HMCN1: variants seen among roughly 807,000 people sequenced by gnomAD.
HMCN1 encodes the protein hemicentin 1, also known as hemicentin-1.
In HMCN1, 321 loss-of-function variants were observed where a neutral mutation model predicts 625.9. The observed-to-expected ratio is 0.51, with a 90% CI of 0.47 to 0.56. The LOEUF is 0.56. Ranked by LOEUF, HMCN1 falls within the 20% of genes least tolerant of loss-of-function variation. The pLI, the probability that HMCN1 is intolerant of heterozygous loss-of-function variation, is 0.00. For missense variants in HMCN1, 6,588 were observed against 6,887.3 expected, an observed-to-expected ratio of 0.96 and a Z score of 1.54; for synonymous variants, 2,425 against 2,417.6, an observed-to-expected ratio of 1.00 and a Z score of -0.09.
intron 80 of HMCN1, among the ~76,000 whole-genome samples, chr1:186,121,948 G>A (rs772484230): frequency 3.9e-5 from 6 of 152,062 alleles, no homozygotes; most frequent in Non-Finnish European, 7.4e-5. Flanking sequence ...GAGAGTGAAC[G>A]GCTTTGTTAA....
At chr1:185,960,559 C>T (rs1649941255) in intron 11 of HMCN1, among the ~76,000 whole-genome samples, 2 of 152,142 alleles carry the variant, frequency 1.3e-5, no homozygotes, top group South Asian at 2.1e-4. Flanking sequence ...TGTATTTGCT[C>T]AATGACCTCT....
At chr1:186,042,144 G>A (rs995337509) in intron 40 of HMCN1, among the ~76,000 whole-genome samples, 1 of 152,128 alleles carries the variant, frequency 6.6e-6, no homozygotes, top group Non-Finnish European at 1.5e-5. Flanking sequence ...GGTTCTCTAT[G>A]TTCCCTTTCT....
intron 19 of HMCN1, 100 bp downstream of exon 19, chr1:185,984,413 A>T: frequency 9.3e-7 from 1 of 1,073,710 alleles, no homozygotes; most frequent in Non-Finnish European, 1.4e-6. Flanking sequence ...ACAATTAGAT[A>T]TCTCTCTTAA....
Position 186,189,895 on chromosome 1 carries a change from T to G in HMCN1, c.*17T>G, listed in dbSNP as rs1356893211. ...CCATACTAAGGAACTCTCCAAAGCC[T>G]ATTCCACATATTTAAACCGCATTAA... On this transcript the variant is annotated 3_prime_UTR_variant, in exon 107 of 107. Coordinates refer to ENST00000271588, the MANE Select transcript of HMCN1 (RefSeq NM_031935.3). The G allele has an allele frequency of 1.2e-6, 2 of 1,612,274 alleles. No homozygotes were observed. Among genetic ancestry groups the G allele is most frequent in the Admixed American group, 3.3e-5 (2 of 59,988 alleles).
At chr1:185,994,348 A>G (rs1328353929) in intron 23 of HMCN1, among the ~76,000 whole-genome samples, 2 of 152,198 alleles carry the variant, frequency 1.3e-5, no homozygotes, top group Non-Finnish European at 2.9e-5. Context: ...AAAAGATTTC[A>G]TGAGAAACTT....
At chr1:185,896,258 A>C (rs1558049008) in intron 4 of HMCN1, among the ~76,000 whole-genome samples, 1 of 152,100 alleles carries the variant, frequency 6.6e-6, no homozygotes, top group Non-Finnish European at 1.5e-5. Flanking sequence ...TAATTCCAAA[A>C]TATGTTTTAG....
At position 185,990,454 on chromosome 1, in the gene HMCN1, T is replaced by TG. The variant is rs150613512; in HGVS notation, c.3377+14dup. 554 of 1,612,754 alleles carry TG rather than the reference T, an allele frequency of 3.4e-4. 3 individuals carry two copies. In the African/African-American group the frequency reaches 6.5e-3, roughly 19 times the overall value. On this transcript the variant is annotated intron_variant, in intron 22 of 106. Coordinates refer to ENST00000271588, the MANE Select transcript of HMCN1 (RefSeq NM_031935.3). ...ACCGTTCTCTCCAAGGTAGGAGATC[T>TG]GGGATGAATTGCAACACATGAAAAC...
intron 53 of HMCN1, among the ~76,000 whole-genome samples, chr1:186,075,941 T>A (rs1274453071): frequency 1.3e-5 from 2 of 152,186 alleles, no homozygotes; most frequent in Admixed American, 1.3e-4. Flanking sequence ...TTTCATAAAG[T>A]TCATACTTGT....
In HMCN1 at chr1:186,093,605, A is replaced by C. The variant is rs1430069636; in HGVS notation, c.10132A>C (p.Lys3378Gln). Residue 3378 changes from lysine to glutamine, a missense_variant, in exon 66 of 107, where the codon AAG (lysine) becomes CAG (glutamine). Around this residue, in one of 3 missense-constraint regions of HMCN1, gnomAD observed 4,628 missense variants for 4,853.1 expected, o/e 0.95. Coordinates refer to ENST00000271588, the MANE Select transcript of HMCN1 (RefSeq NM_031935.3). Reference protein sequence around the residue: ...GTPPPQINWLKNGLPLPLSSH... With the variant: ...GTPPPQINWLQNGLPLPLSSH... The stretch of plus-strand genomic sequence containing the variant: ...GCCTCCACCACAGATAAACTGGCTG[A>C]AGAATGGACTTCCTCTGCCTCTCTC... 6.2e-7 allele frequency: 1 copy of C among 1,613,470 alleles called. No individual in the cohort carries two copies. Among genetic ancestry groups the C allele is most frequent in the South Asian group, 1.1e-5 (1 of 91,082 alleles).
intron 40 of HMCN1, among the ~76,000 whole-genome samples, chr1:186,044,494 C>G (rs991900520): frequency 6.6e-6 from 1 of 152,132 alleles, no homozygotes; most frequent in Non-Finnish European, 1.5e-5. Flanking sequence ...AGGCACAATA[C>G]TACTACTGTA....
At chr1:185,760,476 G>C (rs1246355683) in intron 1 of HMCN1, among the ~76,000 whole-genome samples, 1 of 152,092 alleles carries the variant, frequency 6.6e-6, no homozygotes, top group East Asian at 1.9e-4. Flanking sequence ...ATAGACCGAT[G>C]GTGTGGAGGC....
intron 36 of HMCN1, among the ~76,000 whole-genome samples, chr1:186,035,876 C>T (rs909765694): frequency 6.6e-6 from 1 of 152,072 alleles, no homozygotes; most frequent in South Asian, 2.1e-4. Context: ...CATACACAAT[C>T]TGCATGGGTA....
intron 87 of HMCN1, 34 bp downstream of exon 87, chr1:186,136,971 A>G (rs781663292): frequency 2.5e-6 from 4 of 1,608,458 alleles, no homozygotes; most frequent in Non-Finnish European, 2.5e-6. Context: ...CATAGTAAAC[A>G]GTACCTGGGG....
chr1:185,897,487 A>T (rs1176950073), intron 4 of HMCN1, among the ~76,000 whole-genome samples: 1 of 152,060 alleles, frequency 6.6e-6, no homozygotes, highest in Admixed American at 6.5e-5. Context: ...ATCACTTACC[A>T]CTGTACACAC....
At chr1:186,105,798 T>TG (rs1396175096) in intron 69 of HMCN1, among the ~76,000 whole-genome samples, 1 of 152,196 alleles carries the variant, frequency 6.6e-6, no homozygotes, top group Non-Finnish European at 1.5e-5. Context: ...TCCTGAATGA[T>TG]GGTTCAAGTT....
At chr1:185,808,551 T>G (rs1009335409) in intron 1 of HMCN1, among the ~76,000 whole-genome samples, 1 of 152,088 alleles carries the variant, frequency 6.6e-6, no homozygotes, top group Non-Finnish European at 1.5e-5. Context: ...CAAATTATCT[T>G]TAATTTGTTT....
At chr1:185,982,417 A>C in intron 18 of HMCN1, 28 bp downstream of exon 18, 1 of 1,596,768 alleles carries the variant, frequency 6.3e-7, no homozygotes, top group Non-Finnish European at 8.6e-7. Flanking sequence ...GCATGCATTC[A>C]CATTCTTTTG....
Position 186,039,761 on chromosome 1 carries a change from T to TGGC in HMCN1, c.6063_6065dup (p.Ala2022dup), listed in dbSNP as rs1377075413. 1.2e-6 allele frequency: 2 copies of TGGC among 1,613,570 alleles called. No individual in the cohort carries two copies. The highest frequency in any genetic ancestry group is 2.2e-5 in the South Asian group (2 of 91,080). On this transcript the variant is annotated inframe_insertion, in exon 39 of 107. Coordinates refer to ENST00000271588, the MANE Select transcript of HMCN1 (RefSeq NM_031935.3). ...TCAATTTCTGGCAGCAATAACATGG[T>TGGC]GGCAGTGGTGGTTAATAACCCGGTG...
Position 185,769,980 on chromosome 1 carries a change from A to G in HMCN1, c.268+34933A>G, listed in dbSNP as rs1445354833. Among the ~76,000 whole-genome samples, 4 of 152,318 alleles carry G rather than the reference A, an allele frequency of 2.6e-5. No individual in the cohort carries two copies. In the East Asian group the frequency reaches 7.7e-4, roughly 29 times the overall value. ...TATTCTGTTGGTCAAAACAAGTAACATGACCAGTCCAGAGTCAAAGGGAGG... is the reference window on the plus strand; with the variant it reads ...TATTCTGTTGGTCAAAACAAGTAACGTGACCAGTCCAGAGTCAAAGGGAGG... On this transcript the variant is annotated intron_variant, in intron 1 of 106. Coordinates refer to ENST00000271588, the MANE Select transcript of HMCN1 (RefSeq NM_031935.3).
Sources: allele counts gnomAD v4.1 joint callset (sites outside exome capture counted in the v4.1 genomes callset), GRCh38; gene constraint gnomAD v4.1.1; regional missense constraint gnomAD v4.1.1; transcripts MANE v1.5; gene names NCBI Gene and HGNC (gene_info 2026-07-23, HGNC 2026-07-21).